The following MCM4 variants were observed in gnomAD, a reference collection of about 807,000 sequenced individuals.
MCM4 encodes the protein minichromosome maintenance complex component 4.
Under a neutral mutation model 88.7 loss-of-function variants are expected in MCM4, and 60 were observed. That is an observed-to-expected ratio of 0.68 (90% CI 0.55 to 0.84). The LOEUF (loss-of-function observed/expected upper bound fraction) is 0.84, where lower values mean the gene tolerates loss of function less well. Among genes scored for constraint, MCM4 ranks in the 40% least tolerant of loss-of-function variants. The pLI is 0.00. For synonymous variants in MCM4, 465 were observed against 410.5 expected, an observed-to-expected ratio of 1.13 and a Z score of -1.61; for missense variants, 1,149 against 1,105.5, an observed-to-expected ratio of 1.04 and a Z score of -0.56.
intron 13 of MCM4, among the ~76,000 whole-genome samples, chr8:47,972,259 T>G (rs1465061922): frequency 6.8e-6 from 1 of 147,196 alleles, no homozygotes; most frequent in East Asian, 2.0e-4. Context: ...AAAAAAAAAC[T>G]TTCCATCGTC....
intron 13 of MCM4, among the ~76,000 whole-genome samples, chr8:47,972,235 CAAAAAAAAAAAAAA>C (rs779237498): frequency 1.6e-5 from 1 of 62,034 alleles, no homozygotes; most frequent in Admixed American, 1.5e-4. Flanking sequence ...GACTCTGTCT[CAAAAAAAAAAAAAA>C]AAAAAAAACT....
chr8:47,962,359 A>G lies in MCM4; in HGVS notation c.454A>G (p.Ile152Val), dbSNP rs1355481320. ...SEQSLGQKLV[I>V]WGTDVNVAAC... is the part of the protein sequence containing the mutation. ...GCAGTCTCTAGGCCAAAAACTTGTGATCTGGGGAACAGATGTAAATGTGGC... is the reference window on the plus strand; with the variant it reads ...GCAGTCTCTAGGCCAAAAACTTGTGGTCTGGGGAACAGATGTAAATGTGGC... Residue 152 changes from isoleucine (I) to valine (V), a missense_variant, in exon 5 of 17, where the codon ATC (isoleucine) becomes GTC (valine). Physicochemically the swap from Ile to Val is conservative, Grantham distance 29. This residue lies in a region of MCM4 where 906 missense variants were observed against 843.0 expected (regional missense o/e 1.07). Coordinates refer to ENST00000649973, the MANE Select transcript of MCM4 (RefSeq NM_182746.3). The G allele has an allele frequency of 6.2e-7, 1 of 1,614,242 alleles. No individual in the cohort carries two copies. The highest frequency in any genetic ancestry group is 1.1e-5 in the South Asian group (1 of 91,088).
intron 9 of MCM4, 119 bp from the exon 10 acceptor site, chr8:47,967,246 T>C (rs1278382818): frequency 2.9e-6 from 3 of 1,047,638 alleles, no homozygotes; most frequent in Admixed American, 5.6e-5. Context: ...ACATGGACAA[T>C]CATTTATGTG....
intron 7 of MCM4, among the ~76,000 whole-genome samples, chr8:47,963,857 C>T (rs542252531): frequency 1.3e-5 from 2 of 152,272 alleles, no homozygotes; most frequent in Admixed American, 1.3e-4. Flanking sequence ...AGTTCCTTAG[C>T]CAACCAAAAG....
chr8:47,971,092 C>G (rs1329243317), intron 12 of MCM4, among the ~76,000 whole-genome samples: 1 of 152,170 alleles, frequency 6.6e-6, no homozygotes, highest in Non-Finnish European at 1.5e-5. Context: ...TGTCCTAAAG[C>G]TCTTGCAAGG....
intron 14 of MCM4, among the ~76,000 whole-genome samples, chr8:47,973,385 A>G (rs1020701774): frequency 2.6e-5 from 4 of 152,190 alleles, no homozygotes; most frequent in African/African-American, 7.2e-5. Context: ...CGTGTTGGCC[A>G]GGCTGGTCTT....
At position 47,962,773 on chromosome 8, in the gene MCM4, C is replaced by A; in HGVS notation, c.511C>A (p.Gln171Lys). The A allele has an allele frequency of 6.2e-7, 1 of 1,600,442 alleles. No homozygotes were observed. Among genetic ancestry groups the A allele is most frequent in the Non-Finnish European group, 8.5e-7 (1 of 1,174,818 alleles). ...TTCTCTCCACTTAAAGAGATTTCTT[C>A]AGCGTTTTATTGACCCTCTGGCTAA... ...ACKENFQRFLQRFIDPLAKEE... is the reference protein window; with the variant it reads ...ACKENFQRFLKRFIDPLAKEE... Residue 171 changes from glutamine to lysine, a missense_variant, in exon 6 of 17, where the codon CAG (glutamine) becomes AAG (lysine). Coordinates refer to ENST00000649973, the MANE Select transcript of MCM4 (RefSeq NM_182746.3).
At position 47,964,557 on chromosome 8, in the gene MCM4, C is replaced by A; in HGVS notation, c.694-17C>A. The A allele has an allele frequency of 6.4e-7, 1 of 1,568,408 alleles. No individual in the cohort carries two copies. The highest frequency in any genetic ancestry group is 8.6e-7 in the Non-Finnish European group (1 of 1,158,956). ...TGAGATATGAATACAAATACATCTT[C>A]ATATTTGTTTTTACAGGAAGTTATT... On this transcript the variant is annotated splice_polypyrimidine_tract_variant and intron_variant, in intron 7 of 16. Coordinates refer to ENST00000649973, the MANE Select transcript of MCM4 (RefSeq NM_182746.3).
At chr8:47,961,369 G>A in intron 2 of MCM4, 147 bp from the exon 3 acceptor site, 1 of 1,507,740 alleles carries the variant, frequency 6.6e-7, no homozygotes, top group Non-Finnish European at 8.8e-7. Flanking sequence ...ACAGCAGGCT[G>A]TGGCCTGGGT....
intron 15 of MCM4, chr8:47,975,222 A>G (rs985776206): frequency 8.4e-6 from 3 of 356,668 alleles, no homozygotes; most frequent in Non-Finnish European, 1.0e-5. Context: ...GTACATGTGC[A>G]CAACGTGCAG....
chr8:47,971,902 T>C (rs936324538), intron 13 of MCM4, among the ~76,000 whole-genome samples: 37 of 152,008 alleles, frequency 2.4e-4, no homozygotes, highest in African/African-American at 8.0e-4. Context: ...AAGTTTTTTT[T>C]CCCAAAAAAA....
At chr8:47,968,504 C>A (rs1257058520) in intron 10 of MCM4, among the ~76,000 whole-genome samples, 1 of 152,120 alleles carries the variant, frequency 6.6e-6, no homozygotes, top group African/African-American at 2.4e-5. Flanking sequence ...TGTGATGATA[C>A]ATGTGTGAGA....
intron 15 of MCM4, chr8:47,975,363 T>A (rs2090992614): frequency 7.3e-6 from 1 of 137,026 alleles, no homozygotes. Context: ...TGGTGTGTGA[T>A]GTTCCCCTTC....
Position 47,966,364 on chromosome 8 carries a change from T to C in MCM4, c.1010T>C (p.Met337Thr). The C allele has an allele frequency of 1.2e-6, 2 of 1,613,806 alleles. No homozygotes were observed. The highest frequency in any genetic ancestry group is 1.3e-5 in the African/African-American group (1 of 75,050). ...GGGCGCTGCCACACCACCCACAGCA[T>C]GGCACTCATCCACAACCGCTCCCTC... is the stretch of plus-strand genomic sequence containing the variant. ...VCGRCHTTHS[M>T]ALIHNRSLFS... The change falls in exon 9 of 17, where the codon ATG (methionine) becomes ACG (threonine). Residue 337 changes from methionine to threonine, a missense_variant. Coordinates refer to ENST00000649973, the MANE Select transcript of MCM4 (RefSeq NM_182746.3).
intron 16 of MCM4, 149 bp downstream of exon 16, chr8:47,975,997 A>G: frequency 1.5e-6 from 1 of 688,994 alleles, no homozygotes; most frequent in Admixed American, 4.3e-5. Flanking sequence ...TCAAGAAATA[A>G]TCACAATTAA....
In MCM4 at chr8:47,962,751, T is replaced by A; in HGVS notation, c.502-13T>A. 1 of 1,547,794 alleles carries A rather than the reference T, an allele frequency of 6.5e-7. No individual in the cohort carries two copies. Among genetic ancestry groups the A allele is most frequent in the Non-Finnish European group, 8.8e-7 (1 of 1,134,994 alleles). On this transcript the variant is annotated splice_polypyrimidine_tract_variant and intron_variant, in intron 5 of 16. Coordinates refer to ENST00000649973, the MANE Select transcript of MCM4 (RefSeq NM_182746.3). ...ATGCTATATGCCTAATACAGTTTTC[T>A]CTCCACTTAAAGAGATTTCTTCAGC...
chr8:47,976,901 A>G lies in MCM4; in HGVS notation c.*123A>G. ...GCTTAAAGTCATGGTTTGGCTGCATAAAAATTTTCTAACTTGGGTTCAATA... is the reference window on the plus strand; with the variant it reads ...GCTTAAAGTCATGGTTTGGCTGCATGAAAATTTTCTAACTTGGGTTCAATA... On this transcript the variant is annotated 3_prime_UTR_variant, in exon 17 of 17. Coordinates refer to ENST00000649973, the MANE Select transcript of MCM4 (RefSeq NM_182746.3). 1 of 601,794 alleles carries G rather than the reference A, an allele frequency of 1.7e-6. No individual in the cohort carries two copies. The highest frequency in any genetic ancestry group is 3.0e-6 in the Non-Finnish European group (1 of 337,264). 37.3% of individuals were successfully genotyped at this position (601,794 alleles called of 1,614,324 possible).
At position 47,976,292 on chromosome 8, in the gene MCM4, CAAAAAA is replaced by C. The variant is rs554025887; in HGVS notation, c.2500-384_2500-379del. ...TGGGCACCAGAGCGGAACTCCATCT[CAAAAAA>C]AAAAAAAAAGAAAAAATTGTTATGC... On this transcript the variant is annotated intron_variant, in intron 16 of 16. Transcript: ENST00000649973. 5.2e-5 allele frequency among the ~76,000 whole-genome samples: 6 copies of C among 115,380 alleles called. No homozygotes were observed. In the East Asian group the frequency reaches 1.7e-3, roughly 32 times the overall value. 75.7% of individuals were successfully genotyped at this position (115,380 alleles called of 152,430 possible).
At position 47,961,628 on chromosome 8, in the gene MCM4, C is replaced by G; in HGVS notation, c.183C>G (p.Ser61Arg). ...MPTSPGVDLQ[S>R]PAAQDVLFSS... ...CCTCGCCTGGAGTGGACCTGCAGAG[C>G]CCTGCTGCGCAGGACGTGCTGTTTT... The change falls in exon 3 of 17, where the codon AGC becomes AGG. Residue 61 changes from serine to arginine, a missense_variant. By Grantham distance (110) the Ser-to-Arg change is moderately radical. Around this residue, in one of 3 missense-constraint regions of MCM4, gnomAD observed 906 missense variants for 843.0 expected, o/e 1.07. Coordinates refer to ENST00000649973, the MANE Select transcript of MCM4 (RefSeq NM_182746.3). The G allele has an allele frequency of 6.2e-7, 1 of 1,614,036 alleles. No individual in the cohort carries two copies. The highest frequency in any genetic ancestry group is 1.1e-5 in the South Asian group (1 of 91,080).
Sources: gnomAD v4.1 joint callset for allele counts (sites outside exome capture counted in the v4.1 genomes callset) on GRCh38, gnomAD v4.1.1 for gene constraint, gnomAD v4.1.1 regional missense constraint, MANE v1.5 for transcripts, NCBI Gene and HGNC (gene_info 2026-07-23, HGNC 2026-07-21) for gene names.